Variants in ST8SIA1 observed in about 807,000 individuals in gnomAD.
The protein encoded by ST8SIA1 is ST8 alpha-N-acetyl-neuraminide alpha-2,8-sialyltransferase 1.
Under a neutral mutation model 35.9 loss-of-function variants are expected in ST8SIA1, and 16 were observed. The observed-to-expected ratio is 0.45, with a 90% CI of 0.30 to 0.68. The LOEUF (loss-of-function observed/expected upper bound fraction) is 0.68, where lower values mean the gene tolerates loss of function less well. Among genes scored for constraint, ST8SIA1 ranks in the 30% least tolerant of loss-of-function variants. ST8SIA1 has a pLI of 0.09. For missense variants in ST8SIA1, 383 were observed against 453.6 expected (o/e 0.84, Z 1.41); for synonymous variants, 170 against 169.6 (o/e 1.00, Z -0.02).
intron 4 of ST8SIA1, among the ~76,000 whole-genome samples, chr12:22,240,158 C>T (rs1350650066): frequency 2.0e-5 from 3 of 152,076 alleles, no homozygotes; most frequent in Non-Finnish European, 4.4e-5. Flanking sequence ...TACATTATCT[C>T]ATTTATATCT....
chr12:22,306,952 CAA>C (rs1262786020), intron 1 of ST8SIA1, among the ~76,000 whole-genome samples: 1 of 152,020 alleles, frequency 6.6e-6, no homozygotes, highest in Non-Finnish European at 1.5e-5. Context: ...TTTTTAAGAA[CAA>C]AAAGTCTTTC....
At chr12:22,206,621 A>G (rs1865113424) in intron 4 of ST8SIA1, among the ~76,000 whole-genome samples, 1 of 152,182 alleles carries the variant, frequency 6.6e-6, no homozygotes, top group Non-Finnish European at 1.5e-5. Context: ...GAGTAGCCCA[A>G]GGAGAAGACC....
Position 22,210,106 on chromosome 12 carries a change from A to G in ST8SIA1, c.585-8068T>C, listed in dbSNP as rs542542201. Among the ~76,000 whole-genome samples the G allele has an allele frequency of 1.4e-4, 22 of 152,318 alleles. No homozygotes were observed. The South Asian group carries it at 4.4e-3, about 30-fold the overall frequency. On this transcript the variant is annotated intron_variant, in intron 4 of 4. Transcript: ENST00000396037. ...ATACATGGCAATTTTTTTAAATGAC[A>G]TAACTCTAATTTACATTGAAATGGA...
At chr12:22,249,815 A>C (rs950715164) in intron 3 of ST8SIA1, among the ~76,000 whole-genome samples, 2 of 152,214 alleles carry the variant, frequency 1.3e-5, no homozygotes, top group African/African-American at 4.8e-5. Flanking sequence ...TGGGACCTAC[A>C]GTACCTCTGC....
intron 1 of ST8SIA1, among the ~76,000 whole-genome samples, chr12:22,322,673 G>C (rs1246444940): frequency 6.6e-6 from 1 of 152,176 alleles, no homozygotes. Context: ...ACAAGTGCAA[G>C]GGAGTAGAAG....
chr12:22,249,527 GT>G (rs1865645437), intron 3 of ST8SIA1, among the ~76,000 whole-genome samples: 1 of 148,202 alleles, frequency 6.7e-6, no homozygotes, highest in Non-Finnish European at 1.5e-5. Flanking sequence ...GCCAGTAACT[GT>G]TTTTTGTTTT....
rs534631585 is a variant in ST8SIA1 at position 22,230,627 on chromosome 12, T to A, written c.584+18379A>T. On this transcript the variant is annotated intron_variant, in intron 4 of 4. Transcript: ENST00000396037. ...TTTAGTTTCCTCAGGGTGGCTCCAG[T>A]TAAAATGTAAAACCACAGAGAGAAG... Among the ~76,000 whole-genome samples, 13 of 152,296 alleles carry A rather than the reference T, an allele frequency of 8.5e-5. No individual in the cohort carries two copies. The South Asian group carries it at 1.0e-3, about 12-fold the overall frequency.
intron 1 of ST8SIA1, among the ~76,000 whole-genome samples, chr12:22,309,601 A>T (rs1197367478): frequency 6.6e-6 from 1 of 152,170 alleles, no homozygotes; most frequent in African/African-American, 2.4e-5. Flanking sequence ...CACTCTGCTC[A>T]GTATAAATTC....
chr12:22,259,941 C>T (rs1187874046), intron 2 of ST8SIA1, among the ~76,000 whole-genome samples: 5 of 152,120 alleles, frequency 3.3e-5, no homozygotes, highest in African/African-American at 1.2e-4. Flanking sequence ...TCCATTGCCA[C>T]ATGAATATTA....
intron 2 of ST8SIA1, among the ~76,000 whole-genome samples, chr12:22,279,953 A>G (rs564275228): frequency 1.5e-4 from 23 of 152,366 alleles, no homozygotes; most frequent in African/African-American, 5.5e-4. Context: ...TTGGCCATCA[A>G]TGGAAGGAAG....
At chr12:22,311,928 G>A (rs1866453731) in intron 1 of ST8SIA1, among the ~76,000 whole-genome samples, 2 of 152,172 alleles carry the variant, frequency 1.3e-5, no homozygotes, top group Admixed American at 1.3e-4. Flanking sequence ...AAAGGATGAA[G>A]GTGACTGTCA....
At chr12:22,212,874 C>T (rs1302443121) in intron 4 of ST8SIA1, among the ~76,000 whole-genome samples, 2 of 152,164 alleles carry the variant, frequency 1.3e-5, no homozygotes, top group Non-Finnish European at 2.9e-5. Flanking sequence ...GATTGCTTTT[C>T]CATAACTGCT....
intron 1 of ST8SIA1, among the ~76,000 whole-genome samples, chr12:22,309,634 A>C (rs1216562598): frequency 6.6e-6 from 1 of 152,104 alleles, no homozygotes; most frequent in Non-Finnish European, 1.5e-5. Flanking sequence ...CCCCTCTCTC[A>C]AAGTATCTGT....
intron 2 of ST8SIA1, among the ~76,000 whole-genome samples, chr12:22,275,093 T>C (rs1306596811): frequency 1.3e-5 from 2 of 152,200 alleles, no homozygotes; most frequent in East Asian, 1.9e-4. Flanking sequence ...CTGGGAAGGT[T>C]TGCAGAAATG....
intron 2 of ST8SIA1, among the ~76,000 whole-genome samples, chr12:22,278,295 T>C (rs929047607): frequency 2.6e-5 from 4 of 152,226 alleles, no homozygotes; most frequent in African/African-American, 7.2e-5. Flanking sequence ...TGTTTTTTTC[T>C]TGAGTCCAGA....
chr12:22,316,900 T>C (rs373479109), intron 1 of ST8SIA1, among the ~76,000 whole-genome samples: 37 of 152,208 alleles, frequency 2.4e-4, no homozygotes, highest in African/African-American at 8.7e-4. Flanking sequence ...TTAAAGTTGA[T>C]AACATTCAGT....
chr12:22,307,812 T>G (rs1866404044), intron 1 of ST8SIA1, among the ~76,000 whole-genome samples: 1 of 152,238 alleles, frequency 6.6e-6, no homozygotes, highest in African/African-American at 2.4e-5. Flanking sequence ...CTTCTCATGT[T>G]ATTAGTCTTT....
intron 1 of ST8SIA1, among the ~76,000 whole-genome samples, chr12:22,308,843 ACT>A (rs1866415452): frequency 1.3e-5 from 2 of 151,578 alleles, no homozygotes; most frequent in Non-Finnish European, 2.9e-5. Flanking sequence ...CATATCATCA[ACT>A]CCTCTCTAAG....
At chr12:22,208,336 C>G (rs1287782936) in intron 4 of ST8SIA1, among the ~76,000 whole-genome samples, 1 of 151,636 alleles carries the variant, frequency 6.6e-6, no homozygotes, top group Non-Finnish European at 1.5e-5. Flanking sequence ...TTATAATTAC[C>G]TATCTAGAAT....
Sources: allele counts gnomAD v4.1 joint callset (sites outside exome capture counted in the v4.1 genomes callset), GRCh38; gene constraint gnomAD v4.1.1; transcripts MANE v1.5; gene names NCBI Gene and HGNC (gene_info 2026-07-23, HGNC 2026-07-21).